Variants in POU2F1 observed in about 807,000 individuals in gnomAD.
POU2F1 encodes the protein POU domain, class 2, transcription factor 1.
Under a neutral mutation model 84.9 loss-of-function variants are expected in POU2F1, and 16 were observed. That is an observed-to-expected ratio of 0.19 (90% CI 0.13 to 0.29). The LOEUF (loss-of-function observed/expected upper bound fraction) is 0.29, where lower values mean the gene tolerates loss of function less well. Among genes scored for constraint, POU2F1 ranks in the 10% least tolerant of loss-of-function variants. The pLI is 1.00. For synonymous variants in POU2F1, 368 were observed against 368.3 expected, an observed-to-expected ratio of 1.00 and a Z score of 0.01; for missense variants, 738 against 942.6, an observed-to-expected ratio of 0.78 and a Z score of 2.84.
At chr1:167,313,563 T>C (rs1315975480) in intron 1 of POU2F1, among the ~76,000 whole-genome samples, 1 of 151,968 alleles carries the variant, frequency 6.6e-6, no homozygotes, top group Non-Finnish European at 1.5e-5. Context: ...CAAAAACAAT[T>C]CAATGGAGTA....
At chr1:167,269,109 T>C (rs1205349314) in intron 1 of POU2F1, among the ~76,000 whole-genome samples, 3 of 152,186 alleles carry the variant, frequency 2.0e-5, no homozygotes, top group African/African-American at 7.2e-5. Context: ...AGGTTTGTTG[T>C]GTTGCATTAC....
At chr1:167,261,076 T>C (rs1368720153) in intron 1 of POU2F1, among the ~76,000 whole-genome samples, 1 of 152,210 alleles carries the variant, frequency 6.6e-6, no homozygotes, top group African/African-American at 2.4e-5. Flanking sequence ...ATTTGATTTA[T>C]AAATGTCTTG....
At chr1:167,260,747 T>C (rs767397217) in intron 1 of POU2F1, among the ~76,000 whole-genome samples, 15 of 152,200 alleles carry the variant, frequency 9.9e-5, no homozygotes, top group Admixed American at 3.3e-4. Context: ...CTGGCACTTT[T>C]TGTTTACTAC....
At chr1:167,325,988 G>A (rs376078331) in intron 1 of POU2F1, among the ~76,000 whole-genome samples, 30 of 151,794 alleles carry the variant, frequency 2.0e-4, no homozygotes, top group East Asian at 5.8e-4. Flanking sequence ...CATTTTAGGC[G>A]TAATTGTGAA....
intron 1 of POU2F1, among the ~76,000 whole-genome samples, chr1:167,327,406 A>G (rs191603222): frequency 1.7e-4 from 26 of 152,346 alleles, no homozygotes; most frequent in Non-Finnish European, 2.4e-4. Context: ...GTCTCTCCTC[A>G]TAAGCATTTT....
At chr1:167,276,968 T>C (rs1472951487) in intron 1 of POU2F1, among the ~76,000 whole-genome samples, 1 of 152,194 alleles carries the variant, frequency 6.6e-6, no homozygotes, top group Non-Finnish European at 1.5e-5. Context: ...TGTGCTCTTG[T>C]TGCATTCTAC....
At chr1:167,335,434 T>G (rs1456875778) in intron 2 of POU2F1, among the ~76,000 whole-genome samples, 1 of 152,040 alleles carries the variant, frequency 6.6e-6, no homozygotes, top group Non-Finnish European at 1.5e-5. Flanking sequence ...GAAATACAAT[T>G]AATTGAACCA....
chr1:167,239,765 G>A (rs543305306), intron 1 of POU2F1, among the ~76,000 whole-genome samples: 1 of 152,200 alleles, frequency 6.6e-6, no homozygotes, highest in African/African-American at 2.4e-5. Flanking sequence ...GATGGTGTTG[G>A]GACAGTTGGC....
chr1:167,222,103 A>G (rs984291118), intron 1 of POU2F1, among the ~76,000 whole-genome samples: 14 of 151,812 alleles, frequency 9.2e-5, no homozygotes, highest in Non-Finnish European at 1.8e-4. Context: ...CCGAGGCCCC[A>G]GAAGCGCCCA....
intron 2 of POU2F1, among the ~76,000 whole-genome samples, chr1:167,348,817 C>A (rs974026226): frequency 2.6e-5 from 4 of 152,180 alleles, no homozygotes; most frequent in Non-Finnish European, 5.9e-5. Context: ...CCACACTAAA[C>A]CTCTCAAAAC....
chr1:167,270,642 C>G (rs1186764570), intron 1 of POU2F1, among the ~76,000 whole-genome samples: 1 of 152,176 alleles, frequency 6.6e-6, no homozygotes, highest in Non-Finnish European at 1.5e-5. Flanking sequence ...TGTTTTTCTG[C>G]TTTTGTTCCT....
In POU2F1 at chr1:167,415,655, G is replaced by T. The variant is rs1375842493; in HGVS notation, c.2146G>T (p.Val716Phe). 2 of 1,614,138 alleles carry T rather than the reference G, an allele frequency of 1.2e-6. No homozygotes were observed. Among genetic ancestry groups the T allele is most frequent in the Admixed American group, 3.3e-5 (2 of 60,022 alleles). Residue 716 changes from valine to phenylalanine, a missense_variant, in exon 16 of 16, where the codon GTC becomes TTC. This residue lies in a region of POU2F1 where 319 missense variants were observed against 386.0 expected (regional missense o/e 0.83). Transcript: ENST00000367866. ...GCTCACCAGCAACCCTGTTAGCTTG[G>T]TCTCTGCCGCCGCAGCATCTGCAGG... ...SLLTSNPVSL[V>F]SAAAASAGNS... is the part of the protein sequence containing the mutation.
At chr1:167,291,044 G>GAAA (rs56798282) in intron 1 of POU2F1, among the ~76,000 whole-genome samples, 5 of 117,378 alleles carry the variant, frequency 4.3e-5, no homozygotes, top group Admixed American at 1.8e-4. Flanking sequence ...GACCCTGTCA[G>GAAA]AAAAAAAAAA....
intron 8 of POU2F1, among the ~76,000 whole-genome samples, chr1:167,388,568 T>C (rs1648155752): frequency 6.6e-6 from 1 of 152,196 alleles, no homozygotes; most frequent in African/African-American, 2.4e-5. Flanking sequence ...TATGAGAATA[T>C]TGCCTTAGTT....
chr1:167,347,702 C>T (rs1658291735), intron 2 of POU2F1, among the ~76,000 whole-genome samples: 1 of 152,168 alleles, frequency 6.6e-6, no homozygotes, highest in Non-Finnish European at 1.5e-5. Context: ...TCCCCTCTCC[C>T]CAGCCCCTGA....
At chr1:167,306,073 A>T (rs1174928585) in intron 1 of POU2F1, among the ~76,000 whole-genome samples, 1 of 152,214 alleles carries the variant, frequency 6.6e-6, no homozygotes, top group Non-Finnish European at 1.5e-5. Context: ...TTAACCCTCC[A>T]CATTCTTTCT....
intron 1 of POU2F1, among the ~76,000 whole-genome samples, chr1:167,291,520 G>GTA (rs1200459689): frequency 6.6e-6 from 1 of 152,096 alleles, no homozygotes; most frequent in Non-Finnish European, 1.5e-5. Context: ...TTTTCACTTA[G>GTA]TATTGGGATT....
intron 1 of POU2F1, among the ~76,000 whole-genome samples, chr1:167,316,629 T>G (rs760215234): frequency 6.6e-6 from 1 of 152,246 alleles, no homozygotes; most frequent in Non-Finnish European, 1.5e-5. Context: ...GAATGTATCT[T>G]TAGATTTTAT....
At chr1:167,410,537 A>C (rs1472984191) in intron 13 of POU2F1, among the ~76,000 whole-genome samples, 1 of 151,656 alleles carries the variant, frequency 6.6e-6, no homozygotes, top group Non-Finnish European at 1.5e-5. Context: ...ATTATTTTTA[A>C]CGGAGTCTTA....
Sources: allele counts gnomAD v4.1 joint callset (sites outside exome capture counted in the v4.1 genomes callset), GRCh38; gene constraint gnomAD v4.1.1; regional missense constraint gnomAD v4.1.1; transcripts MANE v1.5; gene names NCBI Gene and HGNC (gene_info 2026-07-23, HGNC 2026-07-21).